BOC: variants seen among roughly 807,000 people sequenced by gnomAD.
BOC encodes BOC cell adhesion associated, oncogene regulated, also known as brother of CDO.
BOC carries 76 observed loss-of-function variants against 112.0 expected under a neutral mutation model. The ratio of observed to expected loss-of-function variants is 0.68; its 90% CI spans 0.56 to 0.82. The LOEUF (loss-of-function observed/expected upper bound fraction) is 0.82, where lower values mean the gene tolerates loss of function less well. Among genes scored for constraint, BOC ranks in the 40% least tolerant of loss-of-function variants. The probability of loss-of-function intolerance (pLI) is 0.00; values close to 1 mark genes in which losing one functional copy is unlikely to be tolerated. For missense variants in BOC, 1,309 were observed against 1,511.7 expected, an observed-to-expected ratio of 0.87 and a Z score of 2.22; for synonymous variants, 580 against 599.8, an observed-to-expected ratio of 0.97 and a Z score of 0.48.
At chr3:113,247,641 T>G (rs537157529) in intron 2 of BOC, among the ~76,000 whole-genome samples, 32 of 152,230 alleles carry the variant, frequency 2.1e-4, no homozygotes, top group Admixed American at 1.9e-3. Context: ...CAATTTTCTC[T>G]CCTGTAAAAT....
At position 113,272,715 on chromosome 3, in the gene BOC, C is replaced by T; in HGVS notation, c.961+12C>T. 1 of 1,611,920 alleles carries T rather than the reference C, an allele frequency of 6.2e-7. No homozygotes were observed. Among genetic ancestry groups the T allele is most frequent in the South Asian group, 1.1e-5 (1 of 90,976 alleles). Reference sequence around the variant, plus strand: ...TGTCCAGGTGTTTGGTGAGTGTCTGCTGTGGACTGTCTTCTGCTTGGCCTT... The same window carrying T: ...TGTCCAGGTGTTTGGTGAGTGTCTGTTGTGGACTGTCTTCTGCTTGGCCTT... On this transcript the variant is annotated intron_variant, in intron 7 of 19. Coordinates refer to ENST00000682979, the MANE Select transcript of BOC (RefSeq NM_001378074.1).
intron 2 of BOC, among the ~76,000 whole-genome samples, chr3:113,235,708 A>G (rs1369448551): frequency 6.6e-6 from 1 of 152,216 alleles, no homozygotes; most frequent in East Asian, 1.9e-4. Context: ...TGGGAACACT[A>G]GAGCATTCTC....
At chr3:113,255,961 C>T (rs746217624) in intron 4 of BOC, among the ~76,000 whole-genome samples, 8 of 152,234 alleles carry the variant, frequency 5.3e-5, no homozygotes, top group Non-Finnish European at 1.0e-4. Flanking sequence ...TTTAAGTGTT[C>T]CATGACTTTG....
chr3:113,233,354 G>T (rs971744447), intron 2 of BOC, among the ~76,000 whole-genome samples: 1 of 152,078 alleles, frequency 6.6e-6, no homozygotes, highest in Non-Finnish European at 1.5e-5. Context: ...TAGGGCCATT[G>T]GTTGCTTAAT....
At position 113,285,492 on chromosome 3, in the gene BOC, G is replaced by T. The variant is rs1368944035; in HGVS notation, c.3087G>T (p.Val1029=). The T allele has an allele frequency of 2.5e-6, 4 of 1,613,970 alleles. No individual in the cohort carries two copies. The South Asian group carries it at 4.4e-5, about 18-fold the overall frequency. The change falls in exon 19 of 20, where the codon GTG becomes GTT. Residue 1029 remains valine (V), a synonymous_variant. Transcript: ENST00000682979. Reference sequence around the variant, plus strand: ...AACGCCAGGAGCAGCCTGCTGCTGTGGGCCAGTCAGGGGTGAGGAGAGCCC... The same window carrying T: ...AACGCCAGGAGCAGCCTGCTGCTGTTGGCCAGTCAGGGGTGAGGAGAGCCC... ...CCQRQEQPAA[V]GQSGVRRAPD... is the part of the protein sequence containing the mutation.
At chr3:113,255,501 T>C (rs1349937768) in intron 4 of BOC, among the ~76,000 whole-genome samples, 1 of 152,208 alleles carries the variant, frequency 6.6e-6, no homozygotes, top group Non-Finnish European at 1.5e-5. Context: ...ATAATTTTAT[T>C]CTCCCAATTC....
At chr3:113,249,512 G>A (rs1945344271) in intron 2 of BOC, among the ~76,000 whole-genome samples, 1 of 152,204 alleles carries the variant, frequency 6.6e-6, no homozygotes, top group African/African-American at 2.4e-5. Flanking sequence ...TCTAGCTAGA[G>A]AAAGAGCCCT....
At chr3:113,280,498 T>G in intron 13 of BOC, 60 bp from the exon 14 acceptor site, 1 of 1,235,706 alleles carries the variant, frequency 8.1e-7, no homozygotes, top group African/African-American at 1.5e-5. Context: ...CACCAGTGGT[T>G]TTGCTTTGAT....
In BOC at chr3:113,272,412, T is replaced by C; in HGVS notation, c.670T>C (p.Ser224Pro). The change falls in exon 7 of 20, where the codon TCC becomes CCC. Residue 224 changes from serine to proline, a missense_variant and splice_region_variant. Physicochemically the swap from Ser to Pro is moderately conservative, Grantham distance 74. Transcript: ENST00000682979. Reference sequence around the variant, plus strand: ...CCTTGCCCTCCTTGCCCCTCCAGGCTCCACCGCTGAGGCTGCCCGCATCAT... The same window carrying C: ...CCTTGCCCTCCTTGCCCCTCCAGGCCCCACCGCTGAGGCTGCCCGCATCAT... ...GSSDRLRVRR[S>P]TAEAARIIYP... is the part of the protein sequence containing the mutation. The C allele has an allele frequency of 1.2e-6, 2 of 1,612,754 alleles. No individual in the cohort carries two copies. The highest frequency in any genetic ancestry group is 1.7e-6 in the Non-Finnish European group (2 of 1,178,992).
At chr3:113,283,742 C>T in intron 16 of BOC, 110 bp downstream of exon 16, 1 of 1,063,780 alleles carries the variant, frequency 9.4e-7, no homozygotes, top group South Asian at 1.6e-5. Context: ...CCAAGTCCCC[C>T]AAAGGTCTCG....
chr3:113,211,618 C>T lies in BOC; in HGVS notation c.-568C>T, dbSNP rs1470214298. The T allele has an allele frequency of 6.6e-6, 1 of 152,004 alleles. No individual in the cohort carries two copies. The highest frequency in any genetic ancestry group is 1.9e-4 in the East Asian group (1 of 5,134). The allele number at this position is 152,004 out of a possible 1,614,324, so 9.4% of individuals were successfully genotyped here. A position where few individuals can be genotyped will look rare whatever the true frequency, so the allele number is the denominator to read the frequency against. ...GGTGCGCTGGGCGCGGCGTCCCCTG[C>T]GTTGTCCTCCTGCTGCCGCCCCCGC... On this transcript the variant is annotated 5_prime_UTR_variant, in exon 1 of 20. Transcript: ENST00000682979.
At chr3:113,227,543 C>T (rs1941864691) in intron 2 of BOC, among the ~76,000 whole-genome samples, 1 of 152,178 alleles carries the variant, frequency 6.6e-6, no homozygotes, top group African/African-American at 2.4e-5. Context: ...GTAGGGCTCC[C>T]TCTTTGGCCC....
In BOC at chr3:113,285,386, G is replaced by C. The variant is rs1949582217; in HGVS notation, c.2981G>C (p.Ser994Thr). ...SHQITRGPKSSPDEGSFLYTL... is the reference protein window; with the variant it reads ...SHQITRGPKSTPDEGSFLYTL... ...GTGCACTGCAGGGGTCCCAAGTCTA[G>C]CCCGGACGAGGGCTCTTTCTTATAC... Residue 994 changes from serine to threonine, a missense_variant, in exon 19 of 20, where the codon AGC (serine) becomes ACC (threonine). Physicochemically the swap from Ser to Thr is moderately conservative, Grantham distance 58. Transcript: ENST00000682979. 2 of 1,613,022 alleles carry C rather than the reference G, an allele frequency of 1.2e-6. No homozygotes were observed. The highest frequency in any genetic ancestry group is 1.7e-5 in the Admixed American group (1 of 60,024).
At chr3:113,280,069 G>C in intron 13 of BOC, 64 bp downstream of exon 13, 1 of 1,494,326 alleles carries the variant, frequency 6.7e-7, no homozygotes, top group Non-Finnish European at 9.0e-7. Context: ...TTCCCTGTGA[G>C]CCTGGGGATT....
At chr3:113,231,527 G>A (rs1482460384) in intron 2 of BOC, among the ~76,000 whole-genome samples, 1 of 152,190 alleles carries the variant, frequency 6.6e-6, no homozygotes, top group African/African-American at 2.4e-5. Flanking sequence ...AAAAAGGATA[G>A]TTTTGTCAAA....
At chr3:113,275,443 C>T (rs551844589) in intron 9 of BOC, among the ~76,000 whole-genome samples, 6 of 152,208 alleles carry the variant, frequency 3.9e-5, no homozygotes, top group Non-Finnish European at 7.3e-5. Context: ...TCGCTCAAGG[C>T]CGTGCTCTTA....
chr3:113,212,562 A>T (rs1460413361), intron 1 of BOC: 2 of 152,254 alleles, frequency 1.3e-5, no homozygotes, highest in African/African-American at 4.8e-5. Context: ...AAGGAAAAAC[A>T]CTAAAATGAG....
chr3:113,281,016 G>A lies in BOC; in HGVS notation c.2312-15G>A. The A allele has an allele frequency of 1.2e-6, 2 of 1,613,448 alleles. No individual in the cohort carries two copies. Among genetic ancestry groups the A allele is most frequent in the South Asian group, 1.1e-5 (1 of 91,054 alleles). On this transcript the variant is annotated splice_polypyrimidine_tract_variant and intron_variant, in intron 14 of 19. Transcript: ENST00000682979. ...TACACATTGCCATGCACCATTCTCT[G>A]ACTCTGTTTCCCAGGGGACAAGTAC... is the stretch of plus-strand genomic sequence containing the variant.
chr3:113,257,077 A>G (rs1946304015), intron 4 of BOC, among the ~76,000 whole-genome samples: 1 of 152,206 alleles, frequency 6.6e-6, no homozygotes, highest in Non-Finnish European at 1.5e-5. Flanking sequence ...ACAGTCCCCT[A>G]CTGTCCACCT....
Sources: gnomAD v4.1 joint callset for allele counts (sites outside exome capture counted in the v4.1 genomes callset) on GRCh38, gnomAD v4.1.1 for gene constraint, MANE v1.5 for transcripts, NCBI Gene and HGNC (gene_info 2026-07-23, HGNC 2026-07-21) for gene names.